Variants in OLA1 observed in about 807,000 individuals in gnomAD.
OLA1 encodes the protein obg-like ATPase 1.
Under a neutral mutation model 48.4 loss-of-function variants are expected in OLA1, and 14 were observed. The observed-to-expected ratio is 0.29, with a 90% confidence interval of 0.19 to 0.45. OLA1 has a LOEUF of 0.45. Among genes scored for constraint, OLA1 ranks in the 20% least tolerant of loss-of-function variants. OLA1 has a pLI of 1.00. For missense variants in OLA1, 325 were observed against 467.1 expected (o/e 0.70, Z 2.80); for synonymous variants, 127 against 150.4 (o/e 0.84, Z 1.14).
chr2:174,164,670 G>A (rs1260104576), intron 4 of OLA1, among the ~76,000 whole-genome samples: 1 of 152,060 alleles, frequency 6.6e-6, no homozygotes, highest in Non-Finnish European at 1.5e-5. Flanking sequence ...CAAATTCACA[G>A]AATTATCAAT....
chr2:174,228,412 A>C (rs1333127676), intron 3 of OLA1, among the ~76,000 whole-genome samples: 3 of 152,164 alleles, frequency 2.0e-5, no homozygotes, highest in African/African-American at 7.2e-5. Context: ...TATTTCTGTA[A>C]GTAAGTGTGC....
chr2:174,123,188 T>C lies in OLA1; in HGVS notation c.720A>G (p.Lys240=). Residue 240 remains lysine (K), a synonymous_variant, in exon 7 of 11, where the codon AAA becomes AAG. Coordinates refer to ENST00000284719, the MANE Select transcript of OLA1 (RefSeq NM_013341.5). Reference sequence around the variant, plus strand: ...GGTGAGGAAAAACTTACCATTTGTTTTTCTTTCTAATGTAGTCTTTTTCAG... The same window carrying C: ...GGTGAGGAAAAACTTACCATTTGTTCTTCTTTCTAATGTAGTCTTTTTCAG... ...NLSEKDYIRK[K]NKWLIKIKEW... The C allele has an allele frequency of 6.6e-7, 1 of 1,512,676 alleles. No homozygotes were observed. Among genetic ancestry groups the C allele is most frequent in the Non-Finnish European group, 9.2e-7 (1 of 1,092,654 alleles). The allele number at this position is 1,512,676 out of a possible 1,614,324, so 93.7% of individuals were successfully genotyped here. A position where few individuals can be genotyped will look rare whatever the true frequency, so the allele number is the denominator to read the frequency against.
intron 5 of OLA1, among the ~76,000 whole-genome samples, chr2:174,132,068 A>T (rs550904928): frequency 7.9e-5 from 12 of 151,928 alleles, no homozygotes; most frequent in Admixed American, 5.2e-4. Flanking sequence ...TACATTTTTT[A>T]TTTCTTTTTA....
intron 4 of OLA1, among the ~76,000 whole-genome samples, chr2:174,218,252 T>C (rs1574558941): frequency 6.6e-6 from 1 of 152,126 alleles, no homozygotes; most frequent in South Asian, 2.1e-4. Context: ...GGATTTAAAC[T>C]AGGGCAAGAA....
At chr2:174,148,770 AAT>A in intron 4 of OLA1, among the ~76,000 whole-genome samples, 1 of 152,292 alleles carries the variant, frequency 6.6e-6, no homozygotes, top group East Asian at 1.9e-4. Context: ...CCAGCAGTAA[AAT>A]AGACAACATC....
chr2:174,219,278 T>TA (rs751305223), intron 4 of OLA1, among the ~76,000 whole-genome samples: 2,066 of 135,510 alleles, frequency 0.015, 44 homozygotes, highest in African/African-American at 0.048. Flanking sequence ...CCTGACTCTT[T>TA]AAAAAAAAAA....
chr2:174,117,787 A>G (rs921826538), intron 7 of OLA1, among the ~76,000 whole-genome samples: 1 of 151,844 alleles, frequency 6.6e-6, no homozygotes, highest in Non-Finnish European at 1.5e-5. Flanking sequence ...ACTATCTTGA[A>G]CCTCCATTCT....
At chr2:174,083,398 G>C (rs1684900837) in intron 7 of OLA1, among the ~76,000 whole-genome samples, 1 of 151,950 alleles carries the variant, frequency 6.6e-6, no homozygotes, top group Admixed American at 6.6e-5. Flanking sequence ...AATCACACAA[G>C]AGTTTGTATA....
intron 4 of OLA1, among the ~76,000 whole-genome samples, chr2:174,175,560 T>C (rs1440954653): frequency 2.6e-5 from 4 of 152,056 alleles, no homozygotes; most frequent in South Asian, 4.1e-4. Flanking sequence ...CTAGAAACAA[T>C]TGACAATATC....
At chr2:174,137,834 G>A (rs1574502322) in intron 5 of OLA1, among the ~76,000 whole-genome samples, 1 of 152,160 alleles carries the variant, frequency 6.6e-6, no homozygotes, top group Non-Finnish European at 1.5e-5. Flanking sequence ...GGAATATTGT[G>A]GATAGTTTGA....
intron 5 of OLA1, 54 bp from the exon 6 acceptor site, chr2:174,123,729 A>AT: frequency 2.2e-6 from 2 of 900,500 alleles, no homozygotes; most frequent in Non-Finnish European, 3.2e-6. Flanking sequence ...ACATTTAGAT[A>AT]CTAAATATTA....
chr2:174,142,380 G>T (rs569329774), intron 4 of OLA1, among the ~76,000 whole-genome samples: 3 of 152,078 alleles, frequency 2.0e-5, no homozygotes, highest in African/African-American at 7.2e-5. Flanking sequence ...ATTTAGGGAG[G>T]GGGGGTCTGA....
intron 4 of OLA1, among the ~76,000 whole-genome samples, chr2:174,186,648 G>GACCT (rs1687662039): frequency 6.6e-6 from 1 of 151,830 alleles, no homozygotes; most frequent in African/African-American, 2.4e-5. Flanking sequence ...CTAAGGCCAA[G>GACCT]ACCTATGTGC....
chr2:174,171,748 A>G (rs1312030863), intron 4 of OLA1: 2 of 152,270 alleles, frequency 1.3e-5, no homozygotes, highest in African/African-American at 4.8e-5. Context: ...TTTGATGGGC[A>G]GCAGGAGAGG....
At chr2:174,081,755 C>G (rs547155458) in intron 8 of OLA1, among the ~76,000 whole-genome samples, 169 bp downstream of exon 8, 10 of 151,984 alleles carry the variant, frequency 6.6e-5, no homozygotes, top group Non-Finnish European at 1.5e-4. Context: ...CAGTTAAAAA[C>G]TTAATTTAAA....
chr2:174,223,316 A>T (rs2105450866), intron 3 of OLA1, among the ~76,000 whole-genome samples, 156 bp from the exon 4 acceptor site: 1 of 152,344 alleles, frequency 6.6e-6, no homozygotes, highest in Admixed American at 6.5e-5. Flanking sequence ...CCCCCAAAAA[A>T]AATTAGAAAT....
At chr2:174,086,186 C>T (rs1329197354) in intron 7 of OLA1, among the ~76,000 whole-genome samples, 1 of 152,164 alleles carries the variant, frequency 6.6e-6, no homozygotes. Flanking sequence ...ATGCTTCTTA[C>T]AGTGCAGTCT....
intron 7 of OLA1, among the ~76,000 whole-genome samples, chr2:174,110,453 AT>A (rs1263029073): frequency 2.0e-5 from 3 of 149,434 alleles, no homozygotes; most frequent in East Asian, 2.0e-4. Flanking sequence ...TGCCCGGCCA[AT>A]TTTTTTTTGA....
chr2:174,238,753 A>C (rs1688923369), intron 2 of OLA1, among the ~76,000 whole-genome samples: 1 of 152,194 alleles, frequency 6.6e-6, no homozygotes, highest in Non-Finnish European at 1.5e-5. Flanking sequence ...TATCTAAATA[A>C]AAATTTATGT....
Sources: allele counts gnomAD v4.1 joint callset (sites outside exome capture counted in the v4.1 genomes callset), GRCh38; gene constraint gnomAD v4.1.1; transcripts MANE v1.5; gene names NCBI Gene and HGNC (gene_info 2026-07-23, HGNC 2026-07-21).